GABBR2: variants seen among roughly 807,000 people sequenced by gnomAD.
GABBR2 encodes the protein gamma-aminobutyric acid type B receptor subunit 2, also known as G-protein coupled receptor 51.
Under a neutral mutation model 105.6 loss-of-function variants are expected in GABBR2, and 23 were observed. The ratio of observed to expected loss-of-function variants is 0.22; its 90% CI spans 0.16 to 0.31. The LOEUF is 0.31. Ranked by LOEUF, GABBR2 falls within the 10% of genes least tolerant of loss-of-function variation. The pLI, the probability that GABBR2 is intolerant of heterozygous loss-of-function variation, is 1.00. For missense variants in GABBR2, 734 were observed against 1,245.5 expected, an observed-to-expected ratio of 0.59 and a Z score of 6.18; for synonymous variants, 478 against 499.7, an observed-to-expected ratio of 0.96 and a Z score of 0.58.
chr9:98,421,971 A>T (rs1020306181), intron 7 of GABBR2, among the ~76,000 whole-genome samples: 2 of 152,226 alleles, frequency 1.3e-5, no homozygotes, highest in African/African-American at 2.4e-5. Flanking sequence ...AAAACTGATT[A>T]ATTTGATTAT....
intron 16 of GABBR2, among the ~76,000 whole-genome samples, chr9:98,302,689 C>T (rs568335112): frequency 5.3e-5 from 8 of 152,244 alleles, no homozygotes; most frequent in South Asian, 2.1e-4. Context: ...TTTGTTTTCC[C>T]TTCCCTGGTC....
At chr9:98,424,257 A>T (rs2131559647) in intron 7 of GABBR2, among the ~76,000 whole-genome samples, 1 of 152,308 alleles carries the variant, frequency 6.6e-6, no homozygotes, top group East Asian at 1.9e-4. Context: ...TAGATGCAGA[A>T]AAGGCCTTTG....
intron 1 of GABBR2, among the ~76,000 whole-genome samples, chr9:98,650,571 A>T (rs1049392028): frequency 2.6e-5 from 4 of 152,216 alleles, no homozygotes; most frequent in African/African-American, 7.2e-5. Context: ...AAAAAAAAGA[A>T]AAGGAGGAGG....
chr9:98,444,848 C>CGTGCACATGCAT (rs1392473681), intron 7 of GABBR2, among the ~76,000 whole-genome samples: 6 of 149,198 alleles, frequency 4.0e-5, no homozygotes, highest in African/African-American at 1.0e-4. Flanking sequence ...CATGCGTGCA[C>CGTGCACATGCAT]GTGCACATGC....
intron 13 of GABBR2, among the ~76,000 whole-genome samples, chr9:98,358,152 A>G (rs1831520313): frequency 6.6e-6 from 1 of 152,166 alleles, no homozygotes; most frequent in South Asian, 2.1e-4. Context: ...TGGCTGTTAT[A>G]AACAGTGCTG....
At chr9:98,423,366 A>G (rs1290705877) in intron 7 of GABBR2, among the ~76,000 whole-genome samples, 2 of 152,212 alleles carry the variant, frequency 1.3e-5, no homozygotes, top group Non-Finnish European at 2.9e-5. Context: ...GCCAGTGACG[A>G]TGAGCATTTT....
intron 1 of GABBR2, among the ~76,000 whole-genome samples, chr9:98,645,524 C>A (rs1328133222): frequency 3.3e-5 from 5 of 152,144 alleles, no homozygotes; most frequent in African/African-American, 7.2e-5. Context: ...CTCCATCAAC[C>A]ACTCTCATCA....
chr9:98,650,469 C>A (rs1457168883), intron 1 of GABBR2, among the ~76,000 whole-genome samples: 1 of 152,182 alleles, frequency 6.6e-6, no homozygotes, highest in Non-Finnish European at 1.5e-5. Context: ...CCTTTGCCAG[C>A]CCCAAAGCTA....
chr9:98,516,786 A>G (rs1337799511), intron 3 of GABBR2, among the ~76,000 whole-genome samples: 4 of 152,116 alleles, frequency 2.6e-5, no homozygotes, highest in Admixed American at 6.5e-5. Flanking sequence ...AATCTCCCCG[A>G]TATCAACCAC....
chr9:98,444,351 G>A (rs1564071264), intron 7 of GABBR2, among the ~76,000 whole-genome samples: 1 of 152,146 alleles, frequency 6.6e-6, no homozygotes, highest in Admixed American at 6.5e-5. Flanking sequence ...GTCAGGTTAG[G>A]TCTCACTGGG....
chr9:98,708,742 C>G lies in GABBR2; in HGVS notation c.-5G>C. Reference sequence around the variant, plus strand: ...GGAGCTCCGCGGGGAAGCCATGCCGCGCCGCGGGCTGCGGGCGCCGGCTCA... The same window carrying G: ...GGAGCTCCGCGGGGAAGCCATGCCGGGCCGCGGGCTGCGGGCGCCGGCTCA... On this transcript the variant is annotated 5_prime_UTR_variant, in exon 1 of 19. Coordinates refer to ENST00000259455, the MANE Select transcript of GABBR2 (RefSeq NM_005458.8). The G allele has an allele frequency of 1.0e-6, 1 of 981,464 alleles. No individual in the cohort carries two copies. Among genetic ancestry groups the G allele is most frequent in the Non-Finnish European group, 1.2e-6 (1 of 828,996 alleles). 60.8% of individuals were successfully genotyped at this position (981,464 alleles called of 1,614,324 possible).
In GABBR2 at chr9:98,637,416, T is replaced by C. The variant is rs543904034; in HGVS notation, c.322-59344A>G. ...ATGCTTACTGTAGTAGGCAGAATAA[T>C]GGCCCCCCAAGAATGCCCACATCCT... On this transcript the variant is annotated intron_variant, in intron 1 of 18. Transcript: ENST00000259455. 2.6e-5 allele frequency among the ~76,000 whole-genome samples: 4 copies of C among 152,312 alleles called. No individual in the cohort carries two copies. In the South Asian group the frequency reaches 6.2e-4, roughly 24 times the overall value.
chr9:98,397,257 G>A (rs1180570381), intron 8 of GABBR2, among the ~76,000 whole-genome samples: 4 of 152,194 alleles, frequency 2.6e-5, no homozygotes, highest in Admixed American at 1.3e-4. Flanking sequence ...AGTCATTCCC[G>A]TGTCCTCAAG....
intron 13 of GABBR2, among the ~76,000 whole-genome samples, chr9:98,315,867 C>T (rs544627689): frequency 6.6e-6 from 1 of 152,362 alleles, no homozygotes; most frequent in Admixed American, 6.5e-5. Flanking sequence ...CACCCACTGG[C>T]CTTACATGAG....
At chr9:98,473,489 T>A (rs1381847336) in intron 5 of GABBR2, 143 bp from the exon 6 acceptor site, 1 of 611,446 alleles carries the variant, frequency 1.6e-6, no homozygotes, top group Non-Finnish European at 2.9e-6. Flanking sequence ...TCTTCCTTGC[T>A]ATTTATCAAA....
intron 13 of GABBR2, among the ~76,000 whole-genome samples, chr9:98,351,760 TTGTATCTCAC>T (rs1220205311): frequency 6.6e-6 from 1 of 152,250 alleles, no homozygotes; most frequent in Non-Finnish European, 1.5e-5. Context: ...CTGTGTTGTC[TTGTATCTCAC>T]TGAATTTCCT....
At position 98,329,237 on chromosome 9, in the gene GABBR2, G is replaced by C. The variant is rs573639421; in HGVS notation, c.1894-18032C>G. ...AGTCACCAGGGTGTTTGTAGGAATG[G>C]TTTAAACTGGTAGCTTGTCCTTAGT... On this transcript the variant is annotated intron_variant, in intron 13 of 18. Transcript: ENST00000259455. Among the ~76,000 whole-genome samples, 7 of 152,330 alleles carry C rather than the reference G, an allele frequency of 4.6e-5. No individual in the cohort carries two copies. The South Asian group carries it at 1.5e-3, about 32-fold the overall frequency.
intron 11 of GABBR2, among the ~76,000 whole-genome samples, chr9:98,373,011 T>TA (rs1279778682): frequency 6.6e-6 from 1 of 151,874 alleles, no homozygotes; most frequent in Non-Finnish European, 1.5e-5. Context: ...ATCAGATGGG[T>TA]AAAAATGAAC....
At chr9:98,585,496 TG>T (rs1342000194) in intron 1 of GABBR2, among the ~76,000 whole-genome samples, 1 of 68,628 alleles carries the variant, frequency 1.5e-5, no homozygotes, top group African/African-American at 5.5e-5. Flanking sequence ...TGGCGTAGGG[TG>T]GGGGGAGTGG....
Sources: allele counts gnomAD v4.1 joint callset (sites outside exome capture counted in the v4.1 genomes callset), GRCh38; gene constraint gnomAD v4.1.1; transcripts MANE v1.5; gene names NCBI Gene and HGNC (gene_info 2026-07-23, HGNC 2026-07-21).